The following GMDS variants were observed in gnomAD, a reference collection of about 807,000 sequenced individuals.
The protein encoded by GMDS is GDP-mannose 4,6-dehydratase.
A neutral mutation model predicts 49.9 loss-of-function variants in GMDS; 20 were observed. That is an observed-to-expected ratio of 0.40 (90% CI 0.28 to 0.58). The LOEUF (loss-of-function observed/expected upper bound fraction) is 0.58, where lower values mean the gene tolerates loss of function less well. Among genes scored for constraint, GMDS ranks in the 20% least tolerant of loss-of-function variants. The pLI, the probability that GMDS is intolerant of heterozygous loss-of-function variation, is 0.42. For synonymous variants in GMDS, 177 were observed against 178.6 expected (o/e 0.99, Z 0.07); for missense variants, 362 against 481.4 (o/e 0.75, Z 2.32).
At position 1,898,581 on chromosome 6, in the gene GMDS, A is replaced by C. The variant is rs193262539; in HGVS notation, c.771+31522T>G. 2.2e-4 allele frequency among the ~76,000 whole-genome samples: 34 copies of C among 152,296 alleles called. No individual in the cohort carries two copies. The East Asian group carries it at 4.8e-3, about 22-fold the overall frequency. Reference sequence around the variant, plus strand: ...TAGGGGCGCAGCAGTGAAAAATTGCACACCAGTCAAGCCCTCCTGACCTCA... The same window carrying C: ...TAGGGGCGCAGCAGTGAAAAATTGCCCACCAGTCAAGCCCTCCTGACCTCA... On this transcript the variant is annotated intron_variant, in intron 7 of 10. Coordinates refer to ENST00000380815, the MANE Select transcript of GMDS (RefSeq NM_001500.4).
At chr6:1,950,464 A>G (rs1353673427) in intron 6 of GMDS, among the ~76,000 whole-genome samples, 2 of 152,206 alleles carry the variant, frequency 1.3e-5, no homozygotes, top group African/African-American at 2.4e-5. Flanking sequence ...CTCGTGAATC[A>G]GTGGGTCACT....
intron 9 of GMDS, among the ~76,000 whole-genome samples, chr6:1,628,119 A>G (rs1762897973): frequency 6.6e-6 from 1 of 152,194 alleles, no homozygotes; most frequent in African/African-American, 2.4e-5. Flanking sequence ...GGAGGAGGGC[A>G]TGTTTGGCTG....
At chr6:1,838,521 C>T (rs528322114) in intron 7 of GMDS, among the ~76,000 whole-genome samples, 1 of 152,276 alleles carries the variant, frequency 6.6e-6, no homozygotes, top group South Asian at 2.1e-4. Context: ...CATAAATTTA[C>T]CTCTGTGAAA....
chr6:2,134,772 T>C (rs1405533701), intron 1 of GMDS, among the ~76,000 whole-genome samples: 7 of 152,250 alleles, frequency 4.6e-5, no homozygotes, highest in Non-Finnish European at 7.3e-5. Context: ...TTGAGTCATA[T>C]AGTTAAGCTA....
intron 9 of GMDS, among the ~76,000 whole-genome samples, chr6:1,674,106 T>A (rs773337543): frequency 6.6e-6 from 1 of 151,694 alleles, no homozygotes; most frequent in African/African-American, 2.4e-5. Context: ...TTGCAAACAT[T>A]CGTGCAAAGT....
At chr6:1,755,230 A>T (rs1767896725) in intron 7 of GMDS, among the ~76,000 whole-genome samples, 1 of 152,212 alleles carries the variant, frequency 6.6e-6, no homozygotes, top group South Asian at 2.1e-4. Flanking sequence ...ATTCCTATAT[A>T]CCAATAATAG....
chr6:1,762,848 C>T (rs1046750919), intron 7 of GMDS, among the ~76,000 whole-genome samples: 3 of 152,136 alleles, frequency 2.0e-5, no homozygotes, highest in African/African-American at 7.2e-5. Flanking sequence ...AAATGTGTTA[C>T]CCTAATTTCT....
intron 1 of GMDS, among the ~76,000 whole-genome samples, chr6:2,212,713 A>T (rs1232705933): frequency 1.3e-5 from 2 of 150,638 alleles, no homozygotes; most frequent in African/African-American, 4.9e-5. Context: ...CTTGTAAAAA[A>T]AAAAAAAAAA....
chr6:2,040,905 C>G (rs1160882222), intron 4 of GMDS, among the ~76,000 whole-genome samples: 1 of 152,210 alleles, frequency 6.6e-6, no homozygotes, highest in African/African-American at 2.4e-5. Flanking sequence ...CAAAAATACA[C>G]AGGTTTCCCT....
At chr6:2,141,427 T>C (rs958832483) in intron 1 of GMDS, among the ~76,000 whole-genome samples, 1 of 152,196 alleles carries the variant, frequency 6.6e-6, no homozygotes, top group African/African-American at 2.4e-5. Context: ...TTCAAAAATA[T>C]TGTGTGAAAC....
In GMDS at chr6:1,796,418, T is replaced by C. The variant is rs143366675; in HGVS notation, c.772-53832A>G. Among the ~76,000 whole-genome samples, 172 of 152,258 alleles carry C rather than the reference T, an allele frequency of 1.1e-3. 1 individual carries two copies. The East Asian group carries it at 0.023, about 20-fold the overall frequency. ...AGACCCTTGTGGCACTTTTAAAAAA[T>C]ACAAATTCTCAGGCCTCACGCCTGC... On this transcript the variant is annotated intron_variant, in intron 7 of 10. Coordinates refer to ENST00000380815, the MANE Select transcript of GMDS (RefSeq NM_001500.4).
intron 1 of GMDS, among the ~76,000 whole-genome samples, chr6:2,138,662 A>C (rs2127525671): frequency 6.6e-6 from 1 of 152,320 alleles, no homozygotes; most frequent in African/African-American, 2.4e-5. Flanking sequence ...GAGCCAAATA[A>C]GCCTCTTTTC....
chr6:1,666,084 C>T (rs1404882298), intron 9 of GMDS, among the ~76,000 whole-genome samples: 4 of 152,166 alleles, frequency 2.6e-5, no homozygotes, highest in Non-Finnish European at 5.9e-5. Flanking sequence ...GTAGGGCTTC[C>T]GGTCTACAGG....
chr6:1,833,292 C>T lies in GMDS; in HGVS notation c.772-90706G>A, dbSNP rs767370036. Among the ~76,000 whole-genome samples the T allele has an allele frequency of 1.1e-4, 16 of 151,748 alleles. No homozygotes were observed. Among genetic ancestry groups the T allele is most frequent in the Non-Finnish European group, 1.8e-4 (12 of 67,958 alleles). ...AGTGACTTCCAGAGAAGGGGAGGCC[C>T]CAGAACAACACTGGACACATCAAAT... On this transcript the variant is annotated intron_variant, in intron 7 of 10. Transcript: ENST00000380815. This position sits in a 1 kb window ranked among gnomAD's most constrained non-coding sequence, Gnocchi z 4.4.
intron 4 of GMDS, among the ~76,000 whole-genome samples, chr6:2,059,916 T>A (rs189444383): frequency 6.6e-5 from 10 of 152,082 alleles, no homozygotes; most frequent in African/African-American, 2.4e-4. Context: ...ATTCTCAACA[T>A]TGGTATTAGA....
chr6:1,653,604 C>T (rs982509673), intron 9 of GMDS, among the ~76,000 whole-genome samples: 8 of 152,128 alleles, frequency 5.3e-5, no homozygotes, highest in African/African-American at 1.4e-4. Flanking sequence ...TAAAGACAGA[C>T]GCGGATACGA....
chr6:1,906,207 T>C (rs1466141866), intron 7 of GMDS, among the ~76,000 whole-genome samples: 1 of 152,190 alleles, frequency 6.6e-6, no homozygotes, highest in African/African-American at 2.4e-5. Context: ...TATGTATATA[T>C]GTATATAAGC....
intron 4 of GMDS, among the ~76,000 whole-genome samples, chr6:2,061,738 A>AAAT (rs1771193235): frequency 6.6e-6 from 1 of 151,318 alleles, no homozygotes; most frequent in South Asian, 2.1e-4. Flanking sequence ...AAAAAAAAAA[A>AAAT]AAAAATCTGA....
chr6:1,705,214 C>T (rs1765689548), intron 9 of GMDS, among the ~76,000 whole-genome samples: 1 of 152,180 alleles, frequency 6.6e-6, no homozygotes, highest in Non-Finnish European at 1.5e-5. Context: ...TAGAAATAGA[C>T]ACAAATAATC....
Sources: gnomAD v4.1 joint callset for allele counts (sites outside exome capture counted in the v4.1 genomes callset) on GRCh38, gnomAD v4.1.1 for gene constraint, Gnocchi (gnomAD v3.1) non-coding constraint, MANE v1.5 for transcripts, NCBI Gene and HGNC (gene_info 2026-07-23, HGNC 2026-07-21) for gene names.